FAAH2: variants seen among roughly 807,000 people sequenced by gnomAD.
FAAH2 encodes the protein fatty-acid amide hydrolase 2.
Under a neutral mutation model 36.9 loss-of-function variants are expected in FAAH2, and 60 were observed. That is an observed-to-expected ratio of 1.63 (90% CI 1.32 to 2.02). The LOEUF (loss-of-function observed/expected upper bound fraction) is 2.02. Among genes scored for constraint, FAAH2 ranks in the 30% most tolerant of loss-of-function variants. FAAH2 has a pLI of 0.00. For synonymous variants in FAAH2, 214 were observed against 143.8 expected (o/e 1.49, Z -3.49); for missense variants, 689 against 397.5 (o/e 1.73, Z -6.23).
In FAAH2 at chrX:57,448,650, C is replaced by T. The variant is rs141679658; in HGVS notation, c.1355C>T (p.Pro452Leu). ...MLGDDGVFLY[P>L]SHPTVAPKHH... ...GGTGATGATGGTGTGTTCTTATATC[C>T]CTCACATCCCACAGTGGCACCTAAG... Residue 452 changes from proline to leucine, a missense_variant, in exon 10 of 11, where the codon CCC (proline) becomes CTC (leucine). Physicochemically the swap from Pro to Leu is moderately conservative, Grantham distance 98. Transcript: ENST00000374900. 2.5e-6 allele frequency: 3 copies of T among 1,211,083 alleles called. No individual in the cohort carries two copies. Among genetic ancestry groups the T allele is most frequent in the South Asian group, 1.8e-5 (1 of 56,885 alleles).
intron 5 of FAAH2, among the ~76,000 whole-genome samples, chrX:57,366,977 T>A (rs1158642287): frequency 8.9e-6 from 1 of 112,280 alleles, no homozygotes; most frequent in Non-Finnish European, 1.9e-5. Flanking sequence ...CTGGACTCCA[T>A]ACAGGCTGGA....
intron 7 of FAAH2, among the ~76,000 whole-genome samples, chrX:57,421,414 A>G (rs1218406863): frequency 8.9e-6 from 1 of 112,079 alleles, no homozygotes; most frequent in Non-Finnish European, 1.9e-5. Flanking sequence ...ACATAATACC[A>G]TAGACTGGGT....
At chrX:57,132,317 G>A in the FAAH2 span, among the ~76,000 whole-genome samples, 39 of 111,884 alleles carry the variant, frequency 3.5e-4, no homozygotes, top group African/African-American at 1.1e-3. Flanking sequence ...CGGGGAGGCC[G>A]ATAACAACCA....
chrX:57,212,139 C>T, the FAAH2 span, among the ~76,000 whole-genome samples: 35 of 111,487 alleles, frequency 3.1e-4, no homozygotes, highest in Admixed American at 9.6e-4. Context: ...GCTGATGTGG[C>T]AGAAGGATTG....
At chrX:57,162,126 G>A in the FAAH2 span, among the ~76,000 whole-genome samples, 2 of 111,461 alleles carry the variant, frequency 1.8e-5, no homozygotes, top group Non-Finnish European at 3.8e-5. Flanking sequence ...ATGAAGCTTA[G>A]TTTGGCTGGA....
Position 57,341,251 on chromosome X carries a change from G to A in FAAH2, c.623-20G>A, listed in dbSNP as rs373173279. 3.3e-5 allele frequency: 39 copies of A among 1,185,961 alleles called. No homozygotes were observed. In the African/African-American group the frequency reaches 6.8e-4, roughly 21 times the overall value. ...AGTATATTAGATTATTTATTTGCAA[G>A]TATTTTGTGTTTCTTGTAGGTGGTG... On this transcript the variant is annotated intron_variant, in intron 4 of 10. Transcript: ENST00000374900.
intron 8 of FAAH2, among the ~76,000 whole-genome samples, chrX:57,442,529 A>T (rs1432719460): frequency 4.5e-5 from 5 of 111,602 alleles, no homozygotes; most frequent in Non-Finnish European, 9.4e-5. Context: ...GGTTTCCTGC[A>T]TACAGCACAC....
At chrX:57,165,798 T>G in the FAAH2 span, among the ~76,000 whole-genome samples, 1 of 110,506 alleles carries the variant, frequency 9.0e-6, no homozygotes, top group Non-Finnish European at 1.9e-5. Flanking sequence ...AAGGGCTGGG[T>G]AGAAAAATGT....
Position 57,286,995 on chromosome X carries a change from C to A in FAAH2, c.170C>A (p.Ala57Asp). The A allele has an allele frequency of 8.4e-7, 1 of 1,191,613 alleles. No individual in the cohort carries two copies. Among genetic ancestry groups the A allele is most frequent in the Admixed American group, 2.3e-5 (1 of 43,897 alleles). Residue 57 changes from alanine (A) to aspartate (D), a missense_variant, in exon 1 of 11, where the codon GCC (alanine) becomes GAC (aspartate). Physicochemically the swap from Ala to Asp is moderately radical, Grantham distance 126. Transcript: ENST00000374900. ...CTTCTGCTTTCGGGGATGCAGCTGG[C>A]CAAGCTGATCCGACAGAGAAAGGTG... ...PLLLLSGMQL[A>D]KLIRQRKVKC...
chrX:57,151,294 C>T, the FAAH2 span, among the ~76,000 whole-genome samples: 1 of 111,496 alleles, frequency 9.0e-6, no homozygotes, highest in Non-Finnish European at 1.9e-5. Context: ...TTTCCTGAAT[C>T]TGAATGTTGG....
the FAAH2 span, among the ~76,000 whole-genome samples, chrX:57,257,638 C>T: frequency 9.1e-6 from 1 of 109,550 alleles, no homozygotes; most frequent in East Asian, 2.9e-4. Flanking sequence ...ACGTGTATAC[C>T]TATGTAAAAA....
the FAAH2 span, among the ~76,000 whole-genome samples, chrX:57,174,437 C>A: frequency 9.0e-6 from 1 of 111,156 alleles, no homozygotes; most frequent in East Asian, 2.8e-4. Context: ...GTTGTTATGT[C>A]CCAATTTTCA....
the FAAH2 span, chrX:57,135,842 G>A: frequency 1.8e-3 from 2,206 of 1,202,806 alleles, 22 homozygotes; most frequent in African/African-American, 0.033. Context: ...TCACCAAATC[G>A]TAGACATAGA....
rs769119761 is a variant in FAAH2 at position 57,380,901 on chromosome X, A to T, written c.879-11A>T. 16 of 1,084,764 alleles carry T rather than the reference A, an allele frequency of 1.5e-5. No individual in the cohort carries two copies. The highest frequency in any genetic ancestry group is 5.1e-5 in the Admixed American group (2 of 39,137). The allele number at this position is 1,084,764 out of a possible 1,213,427, so 89.4% of individuals were successfully genotyped here. On this transcript the variant is annotated splice_polypyrimidine_tract_variant and intron_variant, in intron 6 of 10. Transcript: ENST00000374900. ...ATTTGTTGATGTCAGTTTCTTTTTA[A>T]TCCTACACAGGTTAAAACTAGACAC...
chrX:57,289,690 TA>T (rs2051919768), intron 1 of FAAH2, among the ~76,000 whole-genome samples: 1 of 111,393 alleles, frequency 9.0e-6, no homozygotes, highest in Admixed American at 9.6e-5. Context: ...AGTTTTTAGA[TA>T]AGTAATAAAA....
At chrX:57,206,798 A>G in the FAAH2 span, among the ~76,000 whole-genome samples, 1 of 112,298 alleles carries the variant, frequency 8.9e-6, no homozygotes, top group African/African-American at 3.2e-5. Flanking sequence ...TAGGTTGTAT[A>G]ACTGAATTAA....
At chrX:57,232,464 G>A in the FAAH2 span, among the ~76,000 whole-genome samples, 4 of 112,107 alleles carry the variant, frequency 3.6e-5, no homozygotes, top group African/African-American at 1.3e-4. Flanking sequence ...TGTCAAGTGA[G>A]TAGGAAAATT....
intron 7 of FAAH2, among the ~76,000 whole-genome samples, chrX:57,386,870 A>C (rs1196765045): frequency 8.9e-6 from 1 of 112,129 alleles, no homozygotes; most frequent in Non-Finnish European, 1.9e-5. Flanking sequence ...TAGCAGGGAG[A>C]GCTATCACAG....
chrX:57,375,590 T>C (rs2054653858), intron 5 of FAAH2, among the ~76,000 whole-genome samples: 2 of 110,822 alleles, frequency 1.8e-5, no homozygotes, highest in African/African-American at 6.5e-5. Context: ...TCATTTCTAA[T>C]TGAGCTTCTT....
Sources: allele counts gnomAD v4.1 joint callset (sites outside exome capture counted in the v4.1 genomes callset), GRCh38; gene constraint gnomAD v4.1.1; transcripts MANE v1.5; gene names NCBI Gene and HGNC (gene_info 2026-07-23, HGNC 2026-07-21).